Variants in SYNPR observed in about 807,000 individuals in gnomAD.
The protein encoded by SYNPR is synaptoporin.
SYNPR carries 23 observed loss-of-function variants against 32.9 expected under a neutral mutation model. That is an observed-to-expected ratio of 0.70 (90% CI 0.50 to 0.99). SYNPR has a LOEUF of 0.99. Ranked by LOEUF, SYNPR falls within the 50% of genes least tolerant of loss-of-function variation. SYNPR has a pLI of 0.00. For synonymous variants in SYNPR, 146 were observed against 135.9 expected (o/e 1.07, Z -0.52); for missense variants, 318 against 349.3 (o/e 0.91, Z 0.71).
chr3:63,340,630 G>C (rs2087356572), intron 2 of SYNPR, among the ~76,000 whole-genome samples: 1 of 151,418 alleles, frequency 6.6e-6, no homozygotes, highest in South Asian at 2.1e-4. Flanking sequence ...CGTTTTAGCC[G>C]GGATGGTCTC....
At chr3:63,425,471 G>A (rs778910204) in intron 2 of SYNPR, among the ~76,000 whole-genome samples, 44 of 152,128 alleles carry the variant, frequency 2.9e-4, no homozygotes, top group Non-Finnish European at 5.7e-4. Flanking sequence ...ACAGTCCCAG[G>A]AGATAACTCC....
chr3:63,589,090 T>G (rs928712979), intron 4 of SYNPR, among the ~76,000 whole-genome samples: 1 of 152,082 alleles, frequency 6.6e-6, no homozygotes, highest in Admixed American at 6.6e-5. Flanking sequence ...CAACACTCCC[T>G]CTAGAGGCCA....
intron 2 of SYNPR, among the ~76,000 whole-genome samples, chr3:63,339,189 A>G (rs2087332537): frequency 6.6e-6 from 1 of 152,224 alleles, no homozygotes; most frequent in African/African-American, 2.4e-5. Context: ...TTGACATGTC[A>G]TAGTTGTCTT....
chr3:63,606,383 T>A (rs2106899623), intron 4 of SYNPR, among the ~76,000 whole-genome samples: 1 of 148,010 alleles, frequency 6.8e-6, no homozygotes, highest in East Asian at 2.0e-4. Flanking sequence ...TTACTATTTT[T>A]TATATTTAAA....
chr3:63,511,292 T>C (rs1223400413), intron 3 of SYNPR, among the ~76,000 whole-genome samples: 1 of 152,068 alleles, frequency 6.6e-6, no homozygotes, highest in Non-Finnish European at 1.5e-5. Context: ...TTAACATTCC[T>C]TGTAAGAAAG....
chr3:63,610,657 C>T (rs1700184969), intron 5 of SYNPR: 2 of 469,174 alleles, frequency 4.3e-6, no homozygotes, highest in Non-Finnish European at 7.6e-6. Context: ...TATACGTTAC[C>T]ATATTTACTT....
chr3:63,457,949 G>A (rs1285117796), intron 2 of SYNPR, among the ~76,000 whole-genome samples: 1 of 152,104 alleles, frequency 6.6e-6, no homozygotes, highest in Non-Finnish European at 1.5e-5. Flanking sequence ...TACTTGAAAT[G>A]ATAGAATTTT....
chr3:63,507,338 G>A (rs1399519359), intron 3 of SYNPR, among the ~76,000 whole-genome samples: 3 of 151,566 alleles, frequency 2.0e-5, no homozygotes, highest in Non-Finnish European at 4.4e-5. Flanking sequence ...TGCTTCTGTA[G>A]TCTTTTTGTC....
At chr3:63,529,009 T>C (rs1702065233) in intron 3 of SYNPR, among the ~76,000 whole-genome samples, 1 of 152,262 alleles carries the variant, frequency 6.6e-6, no homozygotes. Flanking sequence ...ATCTCCTGTT[T>C]ACAGCTATCC....
At chr3:63,413,588 C>A (rs1575631783) in intron 2 of SYNPR, among the ~76,000 whole-genome samples, 1 of 152,142 alleles carries the variant, frequency 6.6e-6, no homozygotes, top group African/African-American at 2.4e-5. Context: ...ACCCTTAGAA[C>A]AAATAGAGCC....
chr3:63,277,116 CCTT>C (rs1050235523), upstream of SYNPR, among the ~76,000 whole-genome samples: 1 of 152,036 alleles, frequency 6.6e-6, no homozygotes, highest in African/African-American at 2.4e-5. Flanking sequence ...CCTTTTTTCC[CCTT>C]CTTCTTCTTT....
chr3:63,387,357 G>A (rs569689372), intron 2 of SYNPR, among the ~76,000 whole-genome samples: 2 of 152,238 alleles, frequency 1.3e-5, no homozygotes, highest in East Asian at 1.9e-4. Context: ...TGTGAGGTCC[G>A]TAAATGGACC....
At chr3:63,211,710 T>TTC in the SYNPR span, among the ~76,000 whole-genome samples, 18 of 72,670 alleles carry the variant, frequency 2.5e-4, no homozygotes, top group East Asian at 1.3e-3. Context: ...GAATCTTTCT[T>TTC]TTTTTTTTTT....
At chr3:63,585,709 T>C (rs1703171790) in intron 4 of SYNPR, among the ~76,000 whole-genome samples, 2 of 152,102 alleles carry the variant, frequency 1.3e-5, no homozygotes, top group South Asian at 2.1e-4. Context: ...AATAATAATA[T>C]CTGTCATTTA....
intron 4 of SYNPR, among the ~76,000 whole-genome samples, chr3:63,580,359 T>C (rs1234046649): frequency 6.6e-6 from 1 of 152,204 alleles, no homozygotes; most frequent in Non-Finnish European, 1.5e-5. Context: ...TTAAAAACTA[T>C]TCTTTCCTCA....
At chr3:63,465,627 C>T (rs1700663640) in intron 2 of SYNPR, among the ~76,000 whole-genome samples, 1 of 152,138 alleles carries the variant, frequency 6.6e-6, no homozygotes, top group South Asian at 2.1e-4. Flanking sequence ...ATAATTACCT[C>T]ACAGGCAATG....
chr3:63,472,519 A>T (rs6445347), intron 2 of SYNPR, among the ~76,000 whole-genome samples: 46,713 of 151,988 alleles, frequency 0.31, 7,611 homozygotes, highest in East Asian at 0.43. Flanking sequence ...ATTCAGTTAC[A>T]CAGTGCTAAA....
chr3:63,257,963 A>G (rs1312477321), intron 2 of SYNPR, among the ~76,000 whole-genome samples: 1 of 152,218 alleles, frequency 6.6e-6, no homozygotes, highest in Non-Finnish European at 1.5e-5. Flanking sequence ...AAAGATCAAA[A>G]GAGACGAAGA....
chr3:63,594,143 G>A (rs143159959), intron 4 of SYNPR, among the ~76,000 whole-genome samples: 8 of 151,842 alleles, frequency 5.3e-5, no homozygotes, highest in Non-Finnish European at 8.8e-5. Context: ...AAGATGAAAT[G>A]AGGTGGAACA....
Sources: gnomAD v4.1 joint callset for allele counts (sites outside exome capture counted in the v4.1 genomes callset) on GRCh38, gnomAD v4.1.1 for gene constraint, MANE v1.5 for transcripts, NCBI Gene and HGNC (gene_info 2026-07-23, HGNC 2026-07-21) for gene names.